ZNF804A: variants seen among roughly 807,000 people sequenced by gnomAD.
ZNF804A encodes the protein zinc finger protein 804A.
Under a neutral mutation model 16.5 loss-of-function variants are expected in ZNF804A, and 2 were observed. That is an observed-to-expected ratio of 0.12 (90% CI 0.05 to 0.38). The LOEUF is 0.38. ZNF804A is among the 10% of genes least tolerant of loss of function. The probability of loss-of-function intolerance (pLI) is 0.99; values close to 1 mark genes in which losing one functional copy is unlikely to be tolerated. For synonymous variants in ZNF804A, 534 were observed against 489.6 expected, an observed-to-expected ratio of 1.09 and a Z score of -1.20; for missense variants, 1,473 against 1,390.7, an observed-to-expected ratio of 1.06 and a Z score of -0.94.
chr2:184,936,158 C>A lies in ZNF804A; in HGVS notation c.762C>A (p.Pro254=). 2 of 1,614,038 alleles carry A rather than the reference C, an allele frequency of 1.2e-6. No homozygotes were observed. Among genetic ancestry groups the A allele is most frequent in the Non-Finnish European group, 1.7e-6 (2 of 1,179,940 alleles). ...KGFSRKSRFV[P]SACHLQQSSP... ...TTAGCAGAAAAAGTAGATTTGTCCC[C>A]AGTGCTTGTCATCTTCAACAATCTT... Residue 254 remains proline (P), a synonymous_variant, in exon 4 of 4, where the codon CCC becomes CCA. Coordinates refer to ENST00000302277, the MANE Select transcript of ZNF804A (RefSeq NM_194250.2).
At chr2:184,831,748 G>A (rs200517686) in intron 1 of ZNF804A, among the ~76,000 whole-genome samples, 120 of 149,044 alleles carry the variant, frequency 8.1e-4, no homozygotes, top group Non-Finnish European at 9.2e-4. Context: ...AAAAAAAAAA[G>A]CAACCACTAC....
chr2:184,598,791 G>C lies in ZNF804A; in HGVS notation c.-169G>C, dbSNP rs938698259. 1.5e-5 allele frequency: 6 copies of C among 389,602 alleles called. No individual in the cohort carries two copies. Among genetic ancestry groups the C allele is most frequent in the Non-Finnish European group, 2.7e-5 (6 of 222,794 alleles). 24.1% of individuals were successfully genotyped at this position (389,602 alleles called of 1,614,324 possible). On this transcript the variant is annotated 5_prime_UTR_variant, in exon 1 of 4. Transcript: ENST00000302277. ...CATGCGGAGGCGGGGGAGCCTCGGC[G>C]CTCACCACAGAGGGGTGCAGTGAGC...
intron 1 of ZNF804A, among the ~76,000 whole-genome samples, chr2:184,770,072 C>T (rs1694188422): frequency 6.6e-6 from 1 of 151,906 alleles, no homozygotes; most frequent in Admixed American, 6.6e-5. Context: ...TATCATCAAC[C>T]TACATTCTAC....
chr2:184,924,681 G>C (rs1259985878), intron 2 of ZNF804A, among the ~76,000 whole-genome samples: 2 of 151,078 alleles, frequency 1.3e-5, no homozygotes, highest in South Asian at 2.1e-4. Context: ...TTAGTTTGCT[G>C]TAAACTTTCC....
chr2:184,662,528 G>T (rs1488344594), intron 1 of ZNF804A, among the ~76,000 whole-genome samples: 1 of 152,136 alleles, frequency 6.6e-6, no homozygotes, highest in Non-Finnish European at 1.5e-5. Context: ...TATTTGAATG[G>T]TGTCTCAGTG....
chr2:184,668,344 C>T (rs532767693), intron 1 of ZNF804A, among the ~76,000 whole-genome samples: 1 of 151,760 alleles, frequency 6.6e-6, no homozygotes, highest in African/African-American at 2.4e-5. Flanking sequence ...ATAAGCCTGA[C>T]ACTGAAAGAT....
intron 1 of ZNF804A, among the ~76,000 whole-genome samples, chr2:184,776,370 T>C (rs1057081452): frequency 3.3e-5 from 5 of 151,500 alleles, no homozygotes; most frequent in Non-Finnish European, 7.4e-5. Context: ...ACAGTATAGA[T>C]AGAAAAAAAT....
intron 2 of ZNF804A, among the ~76,000 whole-genome samples, chr2:184,878,264 G>T (rs1245393275): frequency 6.6e-6 from 1 of 152,048 alleles, no homozygotes; most frequent in African/African-American, 2.4e-5. Context: ...GATTATGTGA[G>T]CCAAAGAGTA....
Position 184,827,502 on chromosome 2 carries a change from A to G in ZNF804A, c.112-38867A>G, listed in dbSNP as rs898446386. Among the ~76,000 whole-genome samples the G allele has an allele frequency of 9.5e-5, 14 of 147,096 alleles. 1 individual carries two copies. The highest frequency in any genetic ancestry group is 8.4e-4 in the South Asian group (4 of 4,790). ...TATATTTATATATATATAAAAATAT[A>G]TATATATAAAACTTTCACCCCAATT... On this transcript the variant is annotated intron_variant, in intron 1 of 3. Transcript: ENST00000302277.
intron 1 of ZNF804A, among the ~76,000 whole-genome samples, chr2:184,601,206 A>G (rs568828456): frequency 6.6e-6 from 1 of 152,200 alleles, no homozygotes; most frequent in East Asian, 1.9e-4. Context: ...TGTGCTTTCT[A>G]GCCTTCTCAT....
intron 1 of ZNF804A, among the ~76,000 whole-genome samples, chr2:184,721,024 G>T (rs138591043): frequency 3.2e-4 from 49 of 152,170 alleles, no homozygotes; most frequent in African/African-American, 1.1e-3. Flanking sequence ...AATGATATTG[G>T]GAAAATTTGA....
At chr2:184,759,458 G>C (rs867393023) in intron 1 of ZNF804A, among the ~76,000 whole-genome samples, 1 of 151,358 alleles carries the variant, frequency 6.6e-6, no homozygotes, top group Non-Finnish European at 1.5e-5. Flanking sequence ...TACCACCTTT[G>C]CATCTTTTCT....
chr2:184,936,165 T>A lies in ZNF804A; in HGVS notation c.769T>A (p.Cys257Ser). 1 of 1,614,060 alleles carries A rather than the reference T, an allele frequency of 6.2e-7. No homozygotes were observed. Among genetic ancestry groups the A allele is most frequent in the Non-Finnish European group, 8.5e-7 (1 of 1,179,960 alleles). ...SRKSRFVPSACHLQQSSPTDV... is the reference protein window; with the variant it reads ...SRKSRFVPSASHLQQSSPTDV... ...AAAAAGTAGATTTGTCCCCAGTGCTTGTCATCTTCAACAATCTTCACCAAC... is the reference window on the plus strand; with the variant it reads ...AAAAAGTAGATTTGTCCCCAGTGCTAGTCATCTTCAACAATCTTCACCAAC... Residue 257 changes from cysteine to serine, a missense_variant, in exon 4 of 4, where the codon TGT becomes AGT. Coordinates refer to ENST00000302277, the MANE Select transcript of ZNF804A (RefSeq NM_194250.2).
At chr2:184,866,060 T>C (rs1695873436) in intron 1 of ZNF804A, among the ~76,000 whole-genome samples, 1 of 152,216 alleles carries the variant, frequency 6.6e-6, no homozygotes, top group African/African-American at 2.4e-5. Context: ...GATAGCTATG[T>C]GATTTTCAGT....
chr2:184,623,080 C>G (rs1691443152), intron 1 of ZNF804A, among the ~76,000 whole-genome samples: 1 of 152,016 alleles, frequency 6.6e-6, no homozygotes. Context: ...GTAGACTATT[C>G]TTTATTGTAG....
At chr2:184,621,109 G>A (rs74954231) in intron 1 of ZNF804A, among the ~76,000 whole-genome samples, 5,146 of 151,518 alleles carry the variant, frequency 0.034, 138 homozygotes, top group East Asian at 0.059. Context: ...ATGTATGTAC[G>A]TATATAAAAT....
chr2:184,856,256 G>T (rs780638992), intron 1 of ZNF804A, among the ~76,000 whole-genome samples: 62 of 151,942 alleles, frequency 4.1e-4, no homozygotes, highest in Non-Finnish European at 7.7e-4. Flanking sequence ...TGATTCTGGA[G>T]GAAACATTTT....
chr2:184,816,551 CT>C (rs1039196741), intron 1 of ZNF804A, among the ~76,000 whole-genome samples: 10 of 152,048 alleles, frequency 6.6e-5, no homozygotes, highest in African/African-American at 2.4e-4. Flanking sequence ...TTCAATGTTC[CT>C]TTTTATCTTC....
chr2:184,736,434 G>A (rs1370501515), intron 1 of ZNF804A, among the ~76,000 whole-genome samples: 2 of 152,158 alleles, frequency 1.3e-5, no homozygotes, highest in East Asian at 1.9e-4. Context: ...AAAGGAATGA[G>A]ATCATGTCCT....
Sources: allele counts gnomAD v4.1 joint callset (sites outside exome capture counted in the v4.1 genomes callset), GRCh38; gene constraint gnomAD v4.1.1; transcripts MANE v1.5; gene names NCBI Gene and HGNC (gene_info 2026-07-23, HGNC 2026-07-21).